Variants in WDR62 observed in about 807,000 individuals in gnomAD.
WDR62 encodes WD repeat-containing protein 62.
WDR62 carries 112 observed loss-of-function variants against 160.6 expected under a neutral mutation model. The ratio of observed to expected loss-of-function variants is 0.70; its 90% CI spans 0.60 to 0.82. The LOEUF is 0.82. Among genes scored for constraint, WDR62 ranks in the 40% least tolerant of loss-of-function variants. WDR62 has a pLI of 0.00. For missense variants in WDR62, 1,819 were observed against 1,983.8 expected, an observed-to-expected ratio of 0.92 and a Z score of 1.58; for synonymous variants, 792 against 815.1, an observed-to-expected ratio of 0.97 and a Z score of 0.48.
At chr19:36,059,795 A>G (rs1001450460) in intron 2 of WDR62, among the ~76,000 whole-genome samples, 173 bp from the exon 3 acceptor site, 10 of 152,318 alleles carry the variant, frequency 6.6e-5, no homozygotes, top group African/African-American at 2.2e-4. Flanking sequence ...GAACATAGCA[A>G]TGTTAAAGTG....
Position 36,083,037 on chromosome 19 carries a change from T to C in WDR62, c.1372-26T>C, listed in dbSNP as rs755470764. On this transcript the variant is annotated intron_variant, in intron 10 of 31. Transcript: ENST00000401500. Reference sequence around the variant, plus strand: ...AGAGGTGCTTCTGAGCTGCTCGTGCTGACCTCAGCCCTGTCCTTCCTGCAG... The same window carrying C: ...AGAGGTGCTTCTGAGCTGCTCGTGCCGACCTCAGCCCTGTCCTTCCTGCAG... 2.5e-6 allele frequency: 4 copies of C among 1,604,500 alleles called. No homozygotes were observed. The Admixed American group carries it at 5.1e-5, about 20-fold the overall frequency.
At chr19:36,097,771 G>A (rs1489949773) in intron 21 of WDR62, among the ~76,000 whole-genome samples, 1 of 148,288 alleles carries the variant, frequency 6.7e-6, no homozygotes, top group Non-Finnish European at 1.5e-5. Context: ...GTAGTCCCAG[G>A]TACTCAGGAG....
chr19:36,066,345 G>C lies in WDR62; in HGVS notation c.479G>C (p.Cys160Ser). The C allele has an allele frequency of 6.2e-7, 1 of 1,614,144 alleles. No individual in the cohort carries two copies. Among genetic ancestry groups the C allele is most frequent in the African/African-American group, 1.3e-5 (1 of 75,042 alleles). ...EMLGHKYGVA[C>S]VAFSPNMKHI... The stretch of plus-strand genomic sequence containing the variant: ...CTAGGCCACAAGTATGGTGTGGCGT[G>C]TGTGGCCTTCTCACCCAATATGAAG... Residue 160 changes from cysteine to serine, a missense_variant, in exon 5 of 32, where the codon TGT (cysteine) becomes TCT (serine). This residue lies in a region of WDR62 where 934 missense variants were observed against 1,157.2 expected (regional missense o/e 0.81). Coordinates refer to ENST00000401500, the MANE Select transcript of WDR62 (RefSeq NM_001083961.2).
chr19:36,075,657 G>C (rs1020911626), intron 9 of WDR62, among the ~76,000 whole-genome samples: 11 of 151,936 alleles, frequency 7.2e-5, no homozygotes, highest in Non-Finnish European at 1.6e-4. Context: ...TGTTGGCCAG[G>C]CTAGTTTCAA....
chr19:36,090,966 T>G (rs1972564407), intron 16 of WDR62, among the ~76,000 whole-genome samples: 1 of 152,272 alleles, frequency 6.6e-6, no homozygotes, highest in African/African-American at 2.4e-5. Context: ...TCTCATAGAC[T>G]TGTTCTCTGG....
At chr19:36,085,437 T>TTTTTTTTTTTTTTTTTA in intron 12 of WDR62, among the ~76,000 whole-genome samples, 1 of 121,646 alleles carries the variant, frequency 8.2e-6, no homozygotes, top group Non-Finnish European at 1.7e-5. Flanking sequence ...TTTTTTTTTT[T>TTTTTTTTTTTTTTTTTA]GAGACAAGAG....
In WDR62 at chr19:36,090,425, A is replaced by G. The variant is rs150830386; in HGVS notation, c.1959-20A>G. On this transcript the variant is annotated intron_variant, in intron 15 of 31. Transcript: ENST00000401500. ...GGTAGGCGGGGCCCTGTTGGCCGCA[A>G]CATGCCCCTACTTCCCCAGAGTCTA... 1.0e-3 allele frequency: 1,655 copies of G among 1,613,616 alleles called. 16 individuals are homozygous for G. In the African/African-American group the frequency reaches 0.018, roughly 18 times the overall value.
downstream of WDR62, among the ~76,000 whole-genome samples, chr19:36,108,094 C>G (rs1394117917): frequency 6.6e-6 from 1 of 152,066 alleles, no homozygotes; most frequent in Admixed American, 6.6e-5. Flanking sequence ...CCCAAAAGAG[C>G]AAATCCCAGG....
In WDR62 at chr19:36,064,508, T is replaced by C. The variant is rs549440655; in HGVS notation, c.333-1450T>C. 2.0e-5 allele frequency among the ~76,000 whole-genome samples: 3 copies of C among 152,296 alleles called. No individual in the cohort carries two copies. In the South Asian group the frequency reaches 6.2e-4, roughly 32 times the overall value. ...GTTAGCCAGGGTGGTCTCGATCTCC[T>C]GACCTTGTGATCTGCCCACCTCAGC... On this transcript the variant is annotated intron_variant, in intron 3 of 31. Coordinates refer to ENST00000401500, the MANE Select transcript of WDR62 (RefSeq NM_001083961.2).
At position 36,074,119 on chromosome 19, in the gene WDR62, G is replaced by A. The variant is rs555167389; in HGVS notation, c.1233+588G>A. 75 of 228,172 alleles carry A rather than the reference G, an allele frequency of 3.3e-4. 2 individuals carry two copies. The South Asian group carries it at 5.1e-3, about 16-fold the overall frequency. The allele number at this position is 228,172 out of a possible 1,614,324, so 14.1% of individuals were successfully genotyped here. ...TTTGAGACCAGCCTGGGCAACACAA[G>A]ACCCTGTCTCTACAAATAATTTTTA... On this transcript the variant is annotated intron_variant, in intron 9 of 31. Coordinates refer to ENST00000401500, the MANE Select transcript of WDR62 (RefSeq NM_001083961.2).
rs529014833 is a variant in WDR62 at position 36,091,379 on chromosome 19, C to T, written c.2147-23C>T. ...CACCCTCTGACTCCGAAGGCAAGTG[C>T]AGCCTCTCTGCTTTGTTTGCAGAAA... is the stretch of plus-strand genomic sequence containing the variant. On this transcript the variant is annotated intron_variant, in intron 17 of 31. Coordinates refer to ENST00000401500, the MANE Select transcript of WDR62 (RefSeq NM_001083961.2). 3 of 1,302,582 alleles carry T rather than the reference C, an allele frequency of 2.3e-6. No individual in the cohort carries two copies. In the African/African-American group the frequency reaches 4.4e-5, roughly 19 times the overall value. The allele number at this position is 1,302,582 out of a possible 1,614,324, so 80.7% of individuals were successfully genotyped here. A position where few individuals can be genotyped will look rare whatever the true frequency, so the allele number is the denominator to read the frequency against.
At chr19:36,074,021 G>A (rs996001608) in intron 9 of WDR62, 18 of 326,238 alleles carry the variant, frequency 5.5e-5, no homozygotes, top group African/African-American at 3.9e-4. Flanking sequence ...GTTGAAGACG[G>A]GGCATGGTGG....
intron 16 of WDR62, among the ~76,000 whole-genome samples, 156 bp downstream of exon 16, chr19:36,090,676 G>C (rs1284425629): frequency 6.6e-6 from 1 of 152,176 alleles, no homozygotes; most frequent in Non-Finnish European, 1.5e-5. Flanking sequence ...GCGAGAGGGT[G>C]GGGAGGGTGA....
At chr19:36,068,647 CAT>C (rs1332565968) in intron 7 of WDR62, among the ~76,000 whole-genome samples, 1 of 152,030 alleles carries the variant, frequency 6.6e-6, no homozygotes, top group African/African-American at 2.4e-5. Flanking sequence ...GGACACAGCA[CAT>C]GTTTCAGAGA....
downstream of WDR62, chr19:36,105,168 G>T: frequency 8.7e-7 from 1 of 1,151,146 alleles, no homozygotes; most frequent in Non-Finnish European, 1.2e-6. Flanking sequence ...AAGTGGGGAG[G>T]GAGGGTAGAA....
chr19:36,074,898 T>C (rs890529292), intron 9 of WDR62, among the ~76,000 whole-genome samples: 8 of 152,234 alleles, frequency 5.3e-5, no homozygotes, highest in African/African-American at 1.9e-4. Flanking sequence ...TTATCAATTT[T>C]ATTATGGGTG....
At chr19:36,105,274 C>T (rs1281519833), downstream of WDR62, among the ~76,000 whole-genome samples, 1 of 152,132 alleles carries the variant, frequency 6.6e-6, no homozygotes, top group Admixed American at 6.6e-5. Context: ...AGGGCCAGTC[C>T]TCCCACACTG....
At chr19:36,092,238 G>A (rs1257712209) in intron 18 of WDR62, among the ~76,000 whole-genome samples, 1 of 151,562 alleles carries the variant, frequency 6.6e-6, no homozygotes, top group Admixed American at 6.6e-5. Context: ...CTGAACCTGG[G>A]AGGTAGAAGT....
At position 36,096,103 on chromosome 19, in the gene WDR62, T is replaced by G. The variant is rs1972939299; in HGVS notation, c.2468-924T>G. On this transcript the variant is annotated intron_variant, in intron 20 of 31. Transcript: ENST00000401500. ...TTTATTTTACTTTAAAAAAGTTGTT[T>G]TATTATTTTATTTCACTATTTTTGT... Among the ~76,000 whole-genome samples the G allele has an allele frequency of 3.9e-5, 6 of 152,184 alleles. No individual in the cohort carries two copies. The South Asian group carries it at 1.2e-3, about 31-fold the overall frequency.
Sources: gnomAD v4.1 joint callset for allele counts (sites outside exome capture counted in the v4.1 genomes callset) on GRCh38, gnomAD v4.1.1 for gene constraint, gnomAD v4.1.1 regional missense constraint, MANE v1.5 for transcripts, NCBI Gene and HGNC (gene_info 2026-07-23, HGNC 2026-07-21) for gene names.